CNTNAP2: variants seen among roughly 807,000 people sequenced by gnomAD.
CNTNAP2 encodes the protein contactin-associated protein-like 2.
Under a neutral mutation model 155.2 loss-of-function variants are expected in CNTNAP2, and 98 were observed. That is an observed-to-expected ratio of 0.63 (90% CI 0.54 to 0.75). CNTNAP2 has a LOEUF of 0.75. Ranked by LOEUF, CNTNAP2 falls within the 30% of genes least tolerant of loss-of-function variation. CNTNAP2 has a pLI of 0.00. For missense variants in CNTNAP2, 1,727 were observed against 1,688.1 expected, an observed-to-expected ratio of 1.02 and a Z score of -0.40; for synonymous variants, 651 against 631.2, an observed-to-expected ratio of 1.03 and a Z score of -0.47.
At chr7:146,366,925 G>A (rs1488400636) in intron 1 of CNTNAP2, among the ~76,000 whole-genome samples, 1 of 152,054 alleles carries the variant, frequency 6.6e-6, no homozygotes, top group Non-Finnish European at 1.5e-5. Context: ...ATTTTGTCAG[G>A]TCAAATTATG....
intron 1 of CNTNAP2, among the ~76,000 whole-genome samples, chr7:146,176,674 G>A (rs998153299): frequency 2.6e-5 from 4 of 151,974 alleles, no homozygotes; most frequent in South Asian, 2.1e-4. Flanking sequence ...TTTAGCTGCC[G>A]GAGATTCAAT....
intron 17 of CNTNAP2, among the ~76,000 whole-genome samples, chr7:148,170,262 T>C (rs1805756369): frequency 6.6e-6 from 1 of 152,242 alleles, no homozygotes; most frequent in African/African-American, 2.4e-5. Flanking sequence ...AATATAATTG[T>C]CTTAATTGAC....
At chr7:146,742,785 C>T (rs192451070) in intron 1 of CNTNAP2, among the ~76,000 whole-genome samples, 31 of 152,116 alleles carry the variant, frequency 2.0e-4, no homozygotes, top group Non-Finnish European at 4.0e-4. Context: ...TAGATATATT[C>T]GGGAAACGAG....
chr7:147,571,916 C>T (rs1356896282), intron 12 of CNTNAP2, among the ~76,000 whole-genome samples: 1 of 152,146 alleles, frequency 6.6e-6, no homozygotes. Context: ...AATAGCTGTC[C>T]TTTATGTCTT....
intron 15 of CNTNAP2, among the ~76,000 whole-genome samples, chr7:148,045,623 A>G (rs141573717): frequency 1.3e-5 from 2 of 152,380 alleles, no homozygotes; most frequent in African/African-American, 4.8e-5. Flanking sequence ...CAGGCAACAT[A>G]AAATTGTAAG....
chr7:146,786,600 G>A lies in CNTNAP2; in HGVS notation c.208+12219G>A, dbSNP rs185081425. ...TTTAAAACTCAGATATATGCTTGAC[G>A]CGAATATTGCTGACAATAAAACATG... On this transcript the variant is annotated intron_variant, in intron 2 of 23. Transcript: ENST00000361727. 5.9e-4 allele frequency among the ~76,000 whole-genome samples: 90 copies of A among 152,200 alleles called. No individual in the cohort carries two copies. The East Asian group carries it at 0.011, about 19-fold the overall frequency.
At chr7:146,662,283 G>A (rs986375082) in intron 1 of CNTNAP2, among the ~76,000 whole-genome samples, 1 of 152,102 alleles carries the variant, frequency 6.6e-6, no homozygotes, top group East Asian at 1.9e-4. Context: ...AATTATAGGC[G>A]CCCGCCACCA....
At chr7:146,788,281 T>C (rs768266602) in intron 2 of CNTNAP2, among the ~76,000 whole-genome samples, 9 of 152,148 alleles carry the variant, frequency 5.9e-5, no homozygotes, top group Non-Finnish European at 1.3e-4. Flanking sequence ...GCTGAAGGGC[T>C]CCTGGAGTGC....
intron 1 of CNTNAP2, among the ~76,000 whole-genome samples, chr7:146,356,765 G>A (rs1256744765): frequency 6.6e-6 from 1 of 152,054 alleles, no homozygotes; most frequent in East Asian, 1.9e-4. Context: ...GATTCACATG[G>A]TTTTCAGCTT....
intron 4 of CNTNAP2, among the ~76,000 whole-genome samples, chr7:147,056,972 AT>A (rs367768101): frequency 2.6e-4 from 38 of 144,210 alleles, no homozygotes; most frequent in African/African-American, 2.6e-4. Flanking sequence ...AGATGGGGTT[AT>A]TTTTTTTTTG....
At chr7:147,158,859 T>C (rs1801974449) in intron 8 of CNTNAP2, among the ~76,000 whole-genome samples, 1 of 152,080 alleles carries the variant, frequency 6.6e-6, no homozygotes, top group Non-Finnish European at 1.5e-5. Flanking sequence ...GCAGAAAGAA[T>C]TTATTCTCTA....
intron 13 of CNTNAP2, among the ~76,000 whole-genome samples, chr7:147,769,656 G>A (rs1399544799): frequency 6.6e-6 from 1 of 152,110 alleles, no homozygotes; most frequent in Non-Finnish European, 1.5e-5. Context: ...AGAAGCTGTG[G>A]ATGACTAGTA....
intron 21 of CNTNAP2, among the ~76,000 whole-genome samples, chr7:148,334,022 A>G (rs1798075797): frequency 6.6e-6 from 1 of 152,198 alleles, no homozygotes; most frequent in African/African-American, 2.4e-5. Flanking sequence ...TTAGCGTGAC[A>G]AGTGATTGCT....
At chr7:147,237,799 T>C in intron 8 of CNTNAP2, among the ~76,000 whole-genome samples, 1 of 152,220 alleles carries the variant, frequency 6.6e-6, no homozygotes, top group Non-Finnish European at 1.5e-5. Flanking sequence ...GCAGAAGTAT[T>C]ATGAAACAGT....
chr7:147,319,629 C>T (rs991872751), intron 9 of CNTNAP2, among the ~76,000 whole-genome samples: 1 of 152,256 alleles, frequency 6.6e-6, no homozygotes, highest in African/African-American at 2.4e-5. Context: ...TTGCCCACCT[C>T]GGCCTCCCAA....
Position 146,866,778 on chromosome 7 carries a change from GTCTA to G in CNTNAP2, c.402+26877_402+26880del, listed in dbSNP as rs143276556. On this transcript the variant is annotated intron_variant, in intron 3 of 23. Transcript: ENST00000361727. The stretch of plus-strand genomic sequence containing the variant: ...TAATAGAGCAGAGTTGGAAACATTT[GTCTA>G]TCAGTACAATATTTCTGCAATCAAT... 8.2e-3 allele frequency among the ~76,000 whole-genome samples: 1,247 copies of G among 152,142 alleles called. 14 individuals carry two copies. Among genetic ancestry groups the G allele is most frequent in the African/African-American group, 0.027 (1,106 of 41,522 alleles).
At chr7:147,510,654 T>A (rs1361885641) in intron 11 of CNTNAP2, among the ~76,000 whole-genome samples, 1 of 151,544 alleles carries the variant, frequency 6.6e-6, no homozygotes, top group Non-Finnish European at 1.5e-5. Flanking sequence ...AGTTTAATGG[T>A]TCATAAGTAC....
At chr7:146,784,712 G>A (rs897038715) in intron 2 of CNTNAP2, among the ~76,000 whole-genome samples, 5 of 152,070 alleles carry the variant, frequency 3.3e-5, no homozygotes, top group African/African-American at 9.7e-5. Context: ...TGTCGTCACT[G>A]AACGCCCGTT....
chr7:146,374,895 G>C (rs1004567878), intron 1 of CNTNAP2, among the ~76,000 whole-genome samples: 1 of 152,134 alleles, frequency 6.6e-6, no homozygotes. Context: ...TTTAAAATCT[G>C]ATGAAGTATT....
Sources: allele counts gnomAD v4.1 joint callset (sites outside exome capture counted in the v4.1 genomes callset), GRCh38; gene constraint gnomAD v4.1.1; transcripts MANE v1.5; gene names NCBI Gene and HGNC (gene_info 2026-07-23, HGNC 2026-07-21).